FRMD4A: variants seen among roughly 807,000 people sequenced by gnomAD.
FRMD4A encodes the protein FERM domain containing 4A.
In FRMD4A, 29 loss-of-function variants were observed where a neutral mutation model predicts 129.1. The ratio of observed to expected loss-of-function variants is 0.22; its 90% CI spans 0.17 to 0.31. The LOEUF is 0.31. FRMD4A is among the 10% of genes least tolerant of loss of function. FRMD4A has a pLI of 1.00. For missense variants in FRMD4A, 1,272 were observed against 1,375.8 expected (o/e 0.92, Z 1.19); for synonymous variants, 634 against 571.6 (o/e 1.11, Z -1.56).
At chr10:14,145,127 C>G (rs561670995) in intron 2 of FRMD4A, among the ~76,000 whole-genome samples, 40 of 152,264 alleles carry the variant, frequency 2.6e-4, no homozygotes, top group African/African-American at 9.4e-4. Context: ...CAAACACAGG[C>G]AGGTGAGGAC....
chr10:14,102,680 A>T (rs1182915896), intron 2 of FRMD4A, among the ~76,000 whole-genome samples: 1 of 152,084 alleles, frequency 6.6e-6, no homozygotes, highest in Non-Finnish European at 1.5e-5. Flanking sequence ...TCTCAATTTT[A>T]TCCACAGCAA....
chr10:13,709,326 T>G (rs1464871272), intron 12 of FRMD4A, among the ~76,000 whole-genome samples: 7 of 152,068 alleles, frequency 4.6e-5, no homozygotes, highest in Admixed American at 3.9e-4. Context: ...AGTTTTCCCC[T>G]CTGTAAAATG....
intron 2 of FRMD4A, among the ~76,000 whole-genome samples, chr10:13,913,908 G>A (rs577426591): frequency 1.3e-5 from 2 of 152,202 alleles, no homozygotes; most frequent in Non-Finnish European, 2.9e-5. Flanking sequence ...TGTAGCTCAG[G>A]ATAGAGGACG....
At chr10:14,163,370 A>G (rs1008566447) in intron 2 of FRMD4A, among the ~76,000 whole-genome samples, 2 of 152,224 alleles carry the variant, frequency 1.3e-5, no homozygotes, top group African/African-American at 4.8e-5. Flanking sequence ...TTGAATATCA[A>G]TGTAGAGTTA....
At chr10:14,112,585 G>C (rs1182893169) in intron 2 of FRMD4A, among the ~76,000 whole-genome samples, 1 of 152,164 alleles carries the variant, frequency 6.6e-6, no homozygotes, top group Non-Finnish European at 1.5e-5. Context: ...GACTGTAGTG[G>C]CGCCATCTTG....
At chr10:14,121,107 C>A (rs1032612588) in intron 2 of FRMD4A, among the ~76,000 whole-genome samples, 2 of 152,210 alleles carry the variant, frequency 1.3e-5, no homozygotes, top group Non-Finnish European at 2.9e-5. Flanking sequence ...GTGGCTCACA[C>A]CTGTAATCCC....
chr10:13,902,300 G>A (rs1055488099), intron 2 of FRMD4A, among the ~76,000 whole-genome samples: 1 of 152,184 alleles, frequency 6.6e-6, no homozygotes, highest in African/African-American at 2.4e-5. Context: ...ACAGGCATGA[G>A]CCAGTGTGCC....
rs1185474605 is a variant in FRMD4A at position 13,750,069 on chromosome 10, G to GAAGAAAGAAAGAAAGAAAGAAAGA, written c.465-2274_465-2251dup. 2.1e-3 allele frequency among the ~76,000 whole-genome samples: 115 copies of GAAGAAAGAAAGAAAGAAAGAAAGA among 55,638 alleles called. 5 individuals carry two copies. Among genetic ancestry groups the GAAGAAAGAAAGAAAGAAAGAAAGA allele is most frequent in the South Asian group, 8.5e-3 (12 of 1,414 alleles). The allele number at this position is 55,638 out of a possible 152,430, so 36.5% of individuals were successfully genotyped here. ...GAAAGGAAGGAAGGAAGGAAGGAAGGAAGAAAGAAAGAAAGAAAGAAAGAA... is the reference window on the plus strand; with the variant it reads ...GAAAGGAAGGAAGGAAGGAAGGAAGGAAGAAAGAAAGAAAGAAAGAAAGAAAGAAAGAAAGAAAGAAAGAAAGAA... On this transcript the variant is annotated intron_variant, in intron 8 of 24. Coordinates refer to ENST00000357447, the MANE Select transcript of FRMD4A (RefSeq NM_018027.5).
chr10:13,962,005 T>C (rs2095448307), intron 2 of FRMD4A, among the ~76,000 whole-genome samples: 1 of 151,426 alleles, frequency 6.6e-6, no homozygotes, highest in African/African-American at 2.4e-5. Context: ...GGGTGTTCAT[T>C]AGTTATTTGT....
In FRMD4A at chr10:13,821,271, T is replaced by C. The variant is rs774411304; in HGVS notation, c.112-10363A>G. 6.6e-6 allele frequency among the ~76,000 whole-genome samples: 1 copy of C among 152,090 alleles called. No individual in the cohort carries two copies. The highest frequency in any genetic ancestry group is 2.4e-5 in the African/African-American group (1 of 41,406). ...CCTTCCTGCCTCTCCAGCACAGCCCTGGGTTCTGTGGCAGGGGACACAGGG... is the reference window on the plus strand; with the variant it reads ...CCTTCCTGCCTCTCCAGCACAGCCCCGGGTTCTGTGGCAGGGGACACAGGG... On this transcript the variant is annotated intron_variant, in intron 3 of 24. Coordinates refer to ENST00000357447, the MANE Select transcript of FRMD4A (RefSeq NM_018027.5). The surrounding 1 kb of genome is among the most constrained non-coding windows in gnomAD (Gnocchi z 4.3).
At chr10:14,150,154 C>T (rs556657991) in intron 2 of FRMD4A, among the ~76,000 whole-genome samples, 9 of 152,290 alleles carry the variant, frequency 5.9e-5, no homozygotes, top group African/African-American at 2.2e-4. Flanking sequence ...TCACCTCCCA[C>T]CAGGTCCCTC....
At chr10:13,992,945 T>A (rs2095608489) in intron 2 of FRMD4A, among the ~76,000 whole-genome samples, 1 of 104,132 alleles carries the variant, frequency 9.6e-6, no homozygotes, top group Non-Finnish European at 1.8e-5. Flanking sequence ...AGAGTGAGAC[T>A]CTGTCTCAAA....
At chr10:14,196,117 A>G (rs969759359) in intron 2 of FRMD4A, among the ~76,000 whole-genome samples, 1 of 152,070 alleles carries the variant, frequency 6.6e-6, no homozygotes, top group African/African-American at 2.4e-5. Context: ...GCTTGACCAT[A>G]AACACACAGG....
intron 2 of FRMD4A, among the ~76,000 whole-genome samples, chr10:14,131,520 A>T (rs1364089242): frequency 2.0e-5 from 3 of 152,042 alleles, no homozygotes; most frequent in South Asian, 2.1e-4. Flanking sequence ...CAGATTCCAA[A>T]CATGAACAAC....
intron 2 of FRMD4A, among the ~76,000 whole-genome samples, chr10:14,155,613 C>T (rs1470666139): frequency 6.6e-6 from 1 of 152,170 alleles, no homozygotes; most frequent in Non-Finnish European, 1.5e-5. Flanking sequence ...AAAATCACAT[C>T]TCCTCTGATC....
intron 2 of FRMD4A, among the ~76,000 whole-genome samples, chr10:14,139,368 C>T (rs543750804): frequency 6.6e-6 from 1 of 150,628 alleles, no homozygotes; most frequent in East Asian, 2.1e-4. Flanking sequence ...AGCTAAGCAA[C>T]CTTATGTCCT....
intron 2 of FRMD4A, among the ~76,000 whole-genome samples, chr10:14,140,612 G>C (rs1197406413): frequency 6.6e-6 from 1 of 152,048 alleles, no homozygotes; most frequent in Non-Finnish European, 1.5e-5. Flanking sequence ...ATCATGCCTG[G>C]TTCTTCTCCA....
chr10:14,202,543 G>A (rs945664398), intron 2 of FRMD4A, among the ~76,000 whole-genome samples: 1 of 152,058 alleles, frequency 6.6e-6, no homozygotes, highest in African/African-American at 2.4e-5. Flanking sequence ...GGGGATTACA[G>A]GTGAGCAGCA....
At chr10:14,291,022 A>C (rs1845834999) in intron 2 of FRMD4A, among the ~76,000 whole-genome samples, 1 of 152,132 alleles carries the variant, frequency 6.6e-6, no homozygotes, top group Non-Finnish European at 1.5e-5. Flanking sequence ...TAAAATGAAA[A>C]AACCCAAACT....
Sources: allele counts gnomAD v4.1 joint callset (sites outside exome capture counted in the v4.1 genomes callset), GRCh38; gene constraint gnomAD v4.1.1; non-coding constraint Gnocchi (gnomAD v3.1); transcripts MANE v1.5; gene names NCBI Gene and HGNC (gene_info 2026-07-23, HGNC 2026-07-21).